Variants in ERC2 observed in about 807,000 individuals in gnomAD.
ERC2 encodes ERC protein 2.
A neutral mutation model predicts 114.8 loss-of-function variants in ERC2; 42 were observed. The observed-to-expected ratio is 0.37, with a 90% confidence interval of 0.29 to 0.47. The LOEUF is 0.47. ERC2 is among the 20% of genes least tolerant of loss of function. ERC2 has a pLI of 0.99. For missense variants in ERC2, 939 were observed against 1,150.7 expected, an observed-to-expected ratio of 0.82 and a Z score of 2.66; for synonymous variants, 454 against 425.5, an observed-to-expected ratio of 1.07 and a Z score of -0.82.
intron 1 of ERC2, among the ~76,000 whole-genome samples, chr3:56,464,820 G>C (rs754644276): frequency 4.0e-5 from 6 of 151,824 alleles, no homozygotes; most frequent in Non-Finnish European, 7.4e-5. Context: ...CTGTTGGCTG[G>C]CAAGTAGATG....
intron 13 of ERC2, among the ~76,000 whole-genome samples, chr3:55,942,597 C>T (rs1300131536): frequency 6.6e-6 from 1 of 150,948 alleles, no homozygotes; most frequent in Non-Finnish European, 1.5e-5. Flanking sequence ...GCGCCCGGCC[C>T]GTCTAAGGTC....
chr3:56,390,968 A>G (rs1044233674), intron 2 of ERC2, among the ~76,000 whole-genome samples: 2 of 152,314 alleles, frequency 1.3e-5, no homozygotes, highest in South Asian at 2.1e-4. Flanking sequence ...ACCTGCTTCA[A>G]TTTCTAAATG....
At chr3:55,678,865 T>TC (rs1188063607) in intron 17 of ERC2, among the ~76,000 whole-genome samples, 5 of 152,100 alleles carry the variant, frequency 3.3e-5, no homozygotes, top group Admixed American at 6.5e-5. Context: ...TTGTCTTACC[T>TC]CCCCATCCAA....
chr3:56,337,056 A>T (rs1443684953), intron 2 of ERC2, among the ~76,000 whole-genome samples: 1 of 152,214 alleles, frequency 6.6e-6, no homozygotes, highest in African/African-American at 2.4e-5. Context: ...CTTCAAAAAA[A>T]CCACCTCTGG....
At chr3:55,586,893 T>A (rs904009735) in intron 17 of ERC2, among the ~76,000 whole-genome samples, 2 of 152,202 alleles carry the variant, frequency 1.3e-5, no homozygotes, top group African/African-American at 4.8e-5. Flanking sequence ...TTCCTCAAAA[T>A]TTTTTTCTAT....
chr3:55,734,347 A>G (rs2065490177), intron 15 of ERC2, among the ~76,000 whole-genome samples: 1 of 152,200 alleles, frequency 6.6e-6, no homozygotes. Flanking sequence ...AATGAAACCT[A>G]AAAACCTGGA....
At chr3:56,262,776 C>T (rs1297737993) in intron 3 of ERC2, among the ~76,000 whole-genome samples, 1 of 152,212 alleles carries the variant, frequency 6.6e-6, no homozygotes, top group Non-Finnish European at 1.5e-5. Flanking sequence ...ATTACATATA[C>T]AAATTTTGGT....
chr3:55,866,315 A>G (rs1194793071), intron 14 of ERC2, among the ~76,000 whole-genome samples: 1 of 152,050 alleles, frequency 6.6e-6, no homozygotes, highest in Non-Finnish European at 1.5e-5. Flanking sequence ...TTGAGTTTTT[A>G]TTGTTTAGTT....
At chr3:55,924,906 G>A (rs1179098396) in intron 13 of ERC2, among the ~76,000 whole-genome samples, 1 of 152,048 alleles carries the variant, frequency 6.6e-6, no homozygotes, top group Non-Finnish European at 1.5e-5. Context: ...TCTGACTAGG[G>A]GCCAGTTTGG....
At chr3:56,036,376 A>G (rs919145173) in intron 7 of ERC2, among the ~76,000 whole-genome samples, 11 of 152,206 alleles carry the variant, frequency 7.2e-5, no homozygotes, top group Admixed American at 2.6e-4. Flanking sequence ...CCTTGCTACA[A>G]TTAGGCAAGA....
chr3:56,032,953 A>AAC (rs1560056820), intron 7 of ERC2, among the ~76,000 whole-genome samples: 2,710 of 76,286 alleles, frequency 0.036, 111 homozygotes, highest in East Asian at 0.062. Context: ...GAAAGAAAGA[A>AAC]AGAAACAGAA....
intron 6 of ERC2, among the ~76,000 whole-genome samples, chr3:56,122,758 T>C (rs1304925182): frequency 1.3e-5 from 2 of 152,110 alleles, no homozygotes; most frequent in Non-Finnish European, 2.9e-5. Context: ...TCAGGAAAAA[T>C]GCCCGAATGC....
chr3:56,060,766 G>T (rs1044588859), intron 7 of ERC2, among the ~76,000 whole-genome samples: 5 of 152,160 alleles, frequency 3.3e-5, no homozygotes, highest in Non-Finnish European at 5.9e-5. Flanking sequence ...CAGCCAAATT[G>T]AATCCACATG....
chr3:55,899,517 G>C (rs921519349), intron 13 of ERC2, among the ~76,000 whole-genome samples: 4 of 152,050 alleles, frequency 2.6e-5, no homozygotes, highest in African/African-American at 9.7e-5. Flanking sequence ...GTGTGTGAGA[G>C]AGAGAGTGTG....
At chr3:56,178,808 T>A (rs1194248282) in intron 3 of ERC2, among the ~76,000 whole-genome samples, 1 of 151,930 alleles carries the variant, frequency 6.6e-6, no homozygotes, top group African/African-American at 2.4e-5. Context: ...AAAAGGAGAC[T>A]AAACCACATC....
At chr3:55,805,365 G>A (rs1285711139) in intron 14 of ERC2, among the ~76,000 whole-genome samples, 2 of 151,902 alleles carry the variant, frequency 1.3e-5, no homozygotes, top group African/African-American at 4.8e-5. Context: ...ACATAGAGCA[G>A]ATGTTCAATA....
intron 2 of ERC2, among the ~76,000 whole-genome samples, chr3:56,350,389 T>TA (rs1230872539): frequency 6.6e-6 from 1 of 152,216 alleles, no homozygotes; most frequent in Non-Finnish European, 1.5e-5. Context: ...CTTATTCATA[T>TA]AGTAGGCCAT....
In ERC2 at chr3:55,871,318, A is replaced by G. The variant is rs78032935; in HGVS notation, c.2564+17071T>C. 7.7e-3 allele frequency among the ~76,000 whole-genome samples: 1,169 copies of G among 152,312 alleles called. 12 individuals are homozygous for G. The highest frequency in any genetic ancestry group is 0.027 in the African/African-American group (1,127 of 41,572). ...CCATGAAGAAGTGAATTTTTTCCCAATAAAACAGGTGGTTTTGGGGGTAAG... is the reference window on the plus strand; with the variant it reads ...CCATGAAGAAGTGAATTTTTTCCCAGTAAAACAGGTGGTTTTGGGGGTAAG... On this transcript the variant is annotated intron_variant, in intron 14 of 17. Transcript: ENST00000288221.
intron 17 of ERC2, among the ~76,000 whole-genome samples, chr3:55,632,123 G>A (rs1374772005): frequency 6.6e-6 from 1 of 152,156 alleles, no homozygotes; most frequent in East Asian, 1.9e-4. Context: ...ACTCCCACTG[G>A]GCAGATGAGC....
Sources: gnomAD v4.1 joint callset for allele counts (sites outside exome capture counted in the v4.1 genomes callset) on GRCh38, gnomAD v4.1.1 for gene constraint, MANE v1.5 for transcripts, NCBI Gene and HGNC (gene_info 2026-07-23, HGNC 2026-07-21) for gene names.